LRP5: variants seen among roughly 807,000 people sequenced by gnomAD.
LRP5 encodes the protein LDL receptor related protein 5.
In LRP5, 62 loss-of-function variants were observed where a neutral mutation model predicts 154.1. The observed-to-expected ratio is 0.40, with a 90% CI of 0.33 to 0.50. LRP5 has a LOEUF of 0.50. LRP5 is among the 20% of genes least tolerant of loss of function. The pLI is 0.55. For missense variants in LRP5, 1,915 were observed against 2,336.7 expected, an observed-to-expected ratio of 0.82 and a Z score of 3.72; for synonymous variants, 966 against 1,011.5, an observed-to-expected ratio of 0.96 and a Z score of 0.85.
intron 4 of LRP5, among the ~76,000 whole-genome samples, chr11:68,364,354 A>ATG (rs1481106605): frequency 9.3e-5 from 11 of 117,820 alleles, no homozygotes; most frequent in Admixed American, 4.7e-4. Flanking sequence ...ATATATACAT[A>ATG]TATATGTGTG....
At chr11:68,344,204 A>G (rs314756) in intron 1 of LRP5, among the ~76,000 whole-genome samples, 7,139 of 152,320 alleles carry the variant, frequency 0.047, 229 homozygotes, top group Non-Finnish European at 0.07. Context: ...TGTTTGGGGC[A>G]GGCAGGGGAT....
At chr11:68,302,428 C>A in the LRP5 span, among the ~76,000 whole-genome samples, 1 of 152,108 alleles carries the variant, frequency 6.6e-6, no homozygotes, top group South Asian at 2.1e-4. Context: ...TGGGTTCCAC[C>A]CATGCTTGCG....
rs1368940207 is a variant in LRP5, at chr11:68,386,449, A to C, written c.1149A>C (p.Leu383=). ...CCATTGCCATCGACTACGACCCGCT[A>C]GAGGGCTATGTCTACTGGACAGATG... The part of the protein sequence containing the change: ...RHAIAIDYDP[L]EGYVYWTDDE... The change falls in exon 6 of 23, where the codon CTA becomes CTC. Residue 383 remains leucine (L), a synonymous_variant. Coordinates refer to ENST00000294304, the MANE Select transcript of LRP5 (RefSeq NM_002335.4). The surrounding 1 kb of genome is among the most constrained non-coding windows in gnomAD (Gnocchi z 7.9). 1.1e-5 allele frequency: 17 copies of C among 1,613,934 alleles called. No homozygotes were observed. In the Admixed American group the frequency reaches 2.3e-4, roughly 22 times the overall value.
At chr11:68,360,279 A>T (rs1205754437) in intron 3 of LRP5, among the ~76,000 whole-genome samples, 2 of 152,188 alleles carry the variant, frequency 1.3e-5, no homozygotes, top group African/African-American at 2.4e-5. Context: ...GGCCTCTCAA[A>T]GCACTGGGAT....
At chr11:68,306,891 T>C in the LRP5 span, among the ~76,000 whole-genome samples, 1 of 152,148 alleles carries the variant, frequency 6.6e-6, no homozygotes, top group South Asian at 2.1e-4. Flanking sequence ...AGGAGAGAAG[T>C]GGAGGGTGAC....
chr11:68,303,098 A>T, the LRP5 span, among the ~76,000 whole-genome samples: 1 of 152,188 alleles, frequency 6.6e-6, no homozygotes, highest in Non-Finnish European at 1.5e-5. Context: ...GGTGGCAAAG[A>T]TGCAGCTTTA....
intron 5 of LRP5, among the ~76,000 whole-genome samples, chr11:68,376,940 G>A (rs1474048502): frequency 6.6e-6 from 1 of 152,226 alleles, no homozygotes; most frequent in Admixed American, 6.5e-5. Context: ...CACTTGTGAG[G>A]CTGTGTTCCC....
intron 5 of LRP5, among the ~76,000 whole-genome samples, chr11:68,367,145 G>C (rs1295359543): frequency 6.6e-6 from 1 of 152,224 alleles, no homozygotes; most frequent in Admixed American, 6.5e-5. Context: ...GCAATGTTGA[G>C]AGAGAAACTG....
At position 68,386,890 on chromosome 11, in the gene LRP5, CG is replaced by C. The variant is rs750677825; in HGVS notation, c.1412+182del. On this transcript the variant is annotated intron_variant, in intron 6 of 22. Transcript: ENST00000294304. This position sits in a 1 kb window ranked among gnomAD's most constrained non-coding sequence, Gnocchi z 7.9. The stretch of plus-strand genomic sequence containing the variant: ...GAGCGGTGATTCAGGAGCTCCAGGG[CG>C]GGGCTGAAGACTTGGGTTTCTAACA... 1.4e-3 allele frequency among the ~76,000 whole-genome samples: 211 copies of C among 152,284 alleles called. No homozygotes were observed. Among genetic ancestry groups the C allele is most frequent in the Non-Finnish European group, 2.5e-3 (169 of 68,006 alleles).
In LRP5 at chr11:68,423,524, C is replaced by T; in HGVS notation, c.3063C>T (p.Asn1021=). ...TGACCTCTCTGAGCCAAGGCCAAAACCCAGACAGGCAGCCCCACGACCTCA... is the reference window on the plus strand; with the variant it reads ...TGACCTCTCTGAGCCAAGGCCAAAATCCAGACAGGCAGCCCCACGACCTCA... ...FVLTSLSQGQ[N]PDRQPHDLSI... is the part of the protein sequence containing the mutation. Residue 1021 remains asparagine, a synonymous_variant, in exon 14 of 23, where the codon AAC becomes AAT. Transcript: ENST00000294304. The surrounding 1 kb of genome is among the most constrained non-coding windows in gnomAD (Gnocchi z 4.7). 1 of 1,614,212 alleles carries T rather than the reference C, an allele frequency of 6.2e-7. No individual in the cohort carries two copies. The highest frequency in any genetic ancestry group is 1.3e-5 in the African/African-American group (1 of 75,072).
chr11:68,386,170 G>T lies in LRP5; in HGVS notation c.1016-146G>T. 4.5e-6 allele frequency: 4 copies of T among 890,182 alleles called. No individual in the cohort carries two copies. The South Asian group carries it at 5.8e-5, about 13-fold the overall frequency. 55.1% of individuals were successfully genotyped at this position (890,182 alleles called of 1,614,324 possible). On this transcript the variant is annotated intron_variant, in intron 5 of 22. Transcript: ENST00000294304. This position sits in a 1 kb window ranked among gnomAD's most constrained non-coding sequence, Gnocchi z 7.9. ...ACGAGTGACCATGTAGCATGGGCTG[G>T]GTGCGTGTCACCTAACATCACCAGC...
At chr11:68,416,275 C>T in intron 12 of LRP5, 53 bp from the exon 13 acceptor site, 1 of 1,523,646 alleles carries the variant, frequency 6.6e-7, no homozygotes. Context: ...CGTCCTCCAG[C>T]TCCTCTGTGG....
rs1463995522 is a variant in LRP5 at position 68,347,878 on chromosome 11, G to A, written c.123G>A (p.Arg41=). The change falls in exon 2 of 23, where the codon CGG becomes CGA. Residue 41 remains arginine, a synonymous_variant. Coordinates refer to ENST00000294304, the MANE Select transcript of LRP5 (RefSeq NM_002335.4). ...CGCTCCTGCTATTTGCCAACCGCCGGGACGTACGGCTGGTGGACGCCGGCG... is the reference window on the plus strand; with the variant it reads ...CGCTCCTGCTATTTGCCAACCGCCGAGACGTACGGCTGGTGGACGCCGGCG... ...ASPLLLFANR[R]DVRLVDAGGV... The A allele has an allele frequency of 6.2e-7, 1 of 1,613,696 alleles. No homozygotes were observed. The highest frequency in any genetic ancestry group is 8.5e-7 in the Non-Finnish European group (1 of 1,180,034).
chr11:68,415,198 G>C (rs982863556), intron 12 of LRP5, among the ~76,000 whole-genome samples: 1 of 152,182 alleles, frequency 6.6e-6, no homozygotes, highest in African/African-American at 2.4e-5. Flanking sequence ...TTCGGATCCT[G>C]GTACCAGTGC....
At chr11:68,412,462 G>A (rs990831304) in intron 11 of LRP5, among the ~76,000 whole-genome samples, 2 of 151,966 alleles carry the variant, frequency 1.3e-5, no homozygotes, top group Non-Finnish European at 2.9e-5. Context: ...GTAATGTAGT[G>A]AGACGCCATC....
intron 3 of LRP5, 35 bp downstream of exon 3, chr11:68,357,882 C>A (rs1270962772): frequency 6.3e-7 from 1 of 1,576,374 alleles, no homozygotes; most frequent in Non-Finnish European, 8.6e-7. Context: ...CACCCCTTTC[C>A]CCTTTGTCCC....
At chr11:68,308,844 G>A (rs1437376060), upstream of LRP5, among the ~76,000 whole-genome samples, 1 of 150,920 alleles carries the variant, frequency 6.6e-6, no homozygotes, top group Non-Finnish European at 1.5e-5. Flanking sequence ...TGCCTCCCGG[G>A]TTCAAGTGAT....
intron 5 of LRP5, among the ~76,000 whole-genome samples, chr11:68,375,718 A>G (rs1453071986): frequency 6.6e-6 from 1 of 152,230 alleles, no homozygotes; most frequent in African/African-American, 2.4e-5. Flanking sequence ...TTTGGTCTTC[A>G]GTGGAGCTGG....
chr11:68,331,358 A>G (rs2098602618), intron 1 of LRP5, among the ~76,000 whole-genome samples: 1 of 152,244 alleles, frequency 6.6e-6, no homozygotes, highest in South Asian at 2.1e-4. Flanking sequence ...GGAGTAGCCA[A>G]GCAGAGCCTT....
Sources: allele counts gnomAD v4.1 joint callset (sites outside exome capture counted in the v4.1 genomes callset), GRCh38; gene constraint gnomAD v4.1.1; non-coding constraint Gnocchi (gnomAD v3.1); transcripts MANE v1.5; gene names NCBI Gene and HGNC (gene_info 2026-07-23, HGNC 2026-07-21).